The following EXOC2 variants were observed in gnomAD, a reference collection of about 807,000 sequenced individuals.
EXOC2 encodes exocyst complex component 2.
A neutral mutation model predicts 131.8 loss-of-function variants in EXOC2; 70 were observed. That is an observed-to-expected ratio of 0.53 (90% CI 0.44 to 0.65). The LOEUF (loss-of-function observed/expected upper bound fraction) is 0.65, where lower values mean the gene tolerates loss of function less well. Ranked by LOEUF, EXOC2 falls within the 30% of genes least tolerant of loss-of-function variation. The pLI is 0.00. For missense variants in EXOC2, 923 were observed against 1,108.6 expected, an observed-to-expected ratio of 0.83 and a Z score of 2.38; for synonymous variants, 411 against 398.4, an observed-to-expected ratio of 1.03 and a Z score of -0.38.
intron 1 of EXOC2, among the ~76,000 whole-genome samples, chr6:664,980 CA>C (rs1763576066): frequency 6.6e-6 from 1 of 151,958 alleles, no homozygotes; most frequent in Admixed American, 6.6e-5. Context: ...GCAAAAGAAA[CA>C]GCAGAGTAAA....
At chr6:561,363 G>C (rs1757689936) in intron 17 of EXOC2, among the ~76,000 whole-genome samples, 1 of 152,176 alleles carries the variant, frequency 6.6e-6, no homozygotes, top group African/African-American at 2.4e-5. Flanking sequence ...TTAGGGGCTT[G>C]AGAGTCCTCA....
intron 6 of EXOC2, among the ~76,000 whole-genome samples, chr6:611,147 C>T (rs1760693116): frequency 6.6e-6 from 1 of 151,740 alleles, no homozygotes; most frequent in South Asian, 2.1e-4. Context: ...AAAGCTGAAA[C>T]GGAAAGGAAC....
rs1423128245 is a variant in EXOC2, at chr6:572,621, T to C, written c.1342A>G (p.Arg448Gly). 6 of 1,613,984 alleles carry C rather than the reference T, an allele frequency of 3.7e-6. No individual in the cohort carries two copies. The highest frequency in any genetic ancestry group is 5.1e-6 in the Non-Finnish European group (6 of 1,179,958). ...DDTWRYKTPHRVAFVEKLTKL... is the reference protein window; with the variant it reads ...DDTWRYKTPHGVAFVEKLTKL... ...GTCAATTTTTCAACAAAGGCCACCC[T>C]GTGGGGAGTTTTGTATCTCCACGCT... Residue 448 changes from arginine to glycine, a missense_variant, in exon 13 of 28, where the codon AGG (arginine) becomes GGG (glycine). Transcript: ENST00000230449.
chr6:544,561 C>G (rs995347077), intron 22 of EXOC2, among the ~76,000 whole-genome samples: 2 of 151,996 alleles, frequency 1.3e-5, no homozygotes, highest in Admixed American at 1.3e-4. Context: ...TTTGTTTATA[C>G]GTATAACACA....
chr6:493,357 T>C (rs367938199), intron 25 of EXOC2, among the ~76,000 whole-genome samples: 5 of 152,344 alleles, frequency 3.3e-5, no homozygotes, highest in African/African-American at 1.2e-4. Context: ...TTTGTTTATA[T>C]TCTAGTATAG....
At chr6:569,747 T>C (rs1581459926) in intron 13 of EXOC2, among the ~76,000 whole-genome samples, 1 of 152,332 alleles carries the variant, frequency 6.6e-6, no homozygotes, top group East Asian at 1.9e-4. Flanking sequence ...ATTATTGCTA[T>C]AAGCTTTTAA....
rs573411191 is a variant in EXOC2 at position 603,988 on chromosome 6, C to T, written c.743-4763G>A. 7.8e-4 allele frequency among the ~76,000 whole-genome samples: 118 copies of T among 152,250 alleles called. 1 individual carries two copies. Among genetic ancestry groups the T allele is most frequent in the Non-Finnish European group, 1.3e-3 (89 of 68,010 alleles). ...GCTATGCCAGGTGTGATTCGAAAACCCTCATGGGTATTAGTTCACCTGCAC... is the reference window on the plus strand; with the variant it reads ...GCTATGCCAGGTGTGATTCGAAAACTCTCATGGGTATTAGTTCACCTGCAC... On this transcript the variant is annotated intron_variant, in intron 7 of 27. Transcript: ENST00000230449.
chr6:649,882 T>C (rs529862036), intron 1 of EXOC2, among the ~76,000 whole-genome samples: 1 of 152,328 alleles, frequency 6.6e-6, no homozygotes, highest in African/African-American at 2.4e-5. Flanking sequence ...ATAAAAGGCA[T>C]AGTGTTTTCT....
At chr6:618,338 C>T (rs1387693029) in intron 5 of EXOC2, among the ~76,000 whole-genome samples, 2 of 152,048 alleles carry the variant, frequency 1.3e-5, no homozygotes, top group Non-Finnish European at 2.9e-5. Context: ...TCCTGTGGGT[C>T]GATTCACAAC....
intron 1 of EXOC2, among the ~76,000 whole-genome samples, chr6:645,196 G>T (rs1449510630): frequency 6.6e-6 from 1 of 150,928 alleles, no homozygotes; most frequent in Non-Finnish European, 1.5e-5. Flanking sequence ...TAATTCAATG[G>T]GAAAAATATT....
intron 1 of EXOC2, among the ~76,000 whole-genome samples, chr6:683,587 A>C (rs1764510688): frequency 6.6e-6 from 1 of 152,244 alleles, no homozygotes; most frequent in Admixed American, 6.5e-5. Flanking sequence ...CCGTCAGCTT[A>C]AATTGGTTAA....
intron 26 of EXOC2, among the ~76,000 whole-genome samples, chr6:490,182 A>G (rs1763344579): frequency 2.6e-5 from 4 of 152,350 alleles, no homozygotes; most frequent in Admixed American, 2.6e-4. Flanking sequence ...GTGATTTGGC[A>G]CATTTTCTCA....
chr6:560,854 T>C (rs1757661402), intron 17 of EXOC2, among the ~76,000 whole-genome samples: 1 of 151,936 alleles, frequency 6.6e-6, no homozygotes, highest in South Asian at 2.1e-4. Flanking sequence ...ATTACAGGCA[T>C]GTACCACCGT....
intron 22 of EXOC2, among the ~76,000 whole-genome samples, chr6:535,199 AAAT>A (rs1245056071): frequency 6.6e-6 from 1 of 152,126 alleles, no homozygotes; most frequent in Non-Finnish European, 1.5e-5. Context: ...GGATCTTTGG[AAAT>A]AATAATAAAA....
intron 7 of EXOC2, 49 bp downstream of exon 7, chr6:610,049 G>C (rs1225120613): frequency 6.5e-7 from 1 of 1,533,148 alleles, no homozygotes. Context: ...TAATTTTAAA[G>C]CATGTTGTAA....
At chr6:514,633 G>C (rs1339580451) in intron 23 of EXOC2, among the ~76,000 whole-genome samples, 1 of 152,236 alleles carries the variant, frequency 6.6e-6, no homozygotes, top group Non-Finnish European at 1.5e-5. Context: ...GCAGGGCGAG[G>C]GCTGTGAAGA....
intron 23 of EXOC2, among the ~76,000 whole-genome samples, chr6:527,452 G>A (rs1291567426): frequency 1.3e-5 from 2 of 152,226 alleles, no homozygotes; most frequent in East Asian, 3.8e-4. Flanking sequence ...TTCTGCCTCT[G>A]TCTCCATAAT....
At chr6:501,906 G>A (rs1048264024) in intron 23 of EXOC2, among the ~76,000 whole-genome samples, 3 of 151,768 alleles carry the variant, frequency 2.0e-5, no homozygotes, top group African/African-American at 7.3e-5. Context: ...AACAGAAAGA[G>A]CCTGTTGTAA....
intron 3 of EXOC2, 94 bp from the exon 4 acceptor site, chr6:630,055 A>G: frequency 7.1e-7 from 1 of 1,400,278 alleles, no homozygotes. Context: ...AAGACCTAAT[A>G]CAAAATGCCT....
Sources: allele counts gnomAD v4.1 joint callset (sites outside exome capture counted in the v4.1 genomes callset), GRCh38; gene constraint gnomAD v4.1.1; transcripts MANE v1.5; gene names NCBI Gene and HGNC (gene_info 2026-07-23, HGNC 2026-07-21).